The following MTUS1 variants were observed in gnomAD, a reference collection of about 807,000 sequenced individuals.
MTUS1 encodes microtubule-associated tumor suppressor 1.
A neutral mutation model predicts 120.8 loss-of-function variants in MTUS1; 109 were observed. The ratio of observed to expected loss-of-function variants is 0.90; its 90% CI spans 0.77 to 1.06. MTUS1 has a LOEUF of 1.06. Among genes scored for constraint, MTUS1 ranks in the 50% least tolerant of loss-of-function variants. MTUS1 has a pLI of 0.00. For synonymous variants in MTUS1, 737 were observed against 550.5 expected (o/e 1.34, Z -4.74); for missense variants, 2,210 against 1,486.3 (o/e 1.49, Z -8.01).
intron 12 of MTUS1, among the ~76,000 whole-genome samples, chr8:17,652,481 G>A (rs1282889405): frequency 6.6e-6 from 1 of 151,920 alleles, no homozygotes; most frequent in Non-Finnish European, 1.5e-5. Flanking sequence ...GGAGAGCCTG[G>A]TGCTGGGGAA....
Position 17,754,110 on chromosome 8 carries a change from T to G in MTUS1, c.1698A>C (p.Lys566Asn). The change falls in exon 2 of 15, where the codon AAA becomes AAC. Residue 566 changes from lysine (K) to asparagine (N), a missense_variant. Transcript: ENST00000693296. ...GTGTCTTGTTAATTAGAATTTCTGC[T>G]TTTTTGTCTGCATTCAAGTCAGATC... ...TPRSDLNADK[K>N]AEILINKTHK... 6.2e-7 allele frequency: 1 copy of G among 1,614,024 alleles called. No homozygotes were observed. The highest frequency in any genetic ancestry group is 8.5e-7 in the Non-Finnish European group (1 of 1,180,038).
At position 17,742,269 on chromosome 8, in the gene MTUS1, GTTTTTTTTTTTTGTTGTTGTTGTT is replaced by G. The variant is rs1212372797; in HGVS notation, c.2287+1311_2287+1334del. 1.2e-4 allele frequency among the ~76,000 whole-genome samples: 11 copies of G among 94,910 alleles called. 1 individual carries two copies. The highest frequency in any genetic ancestry group is 0.014 in the Middle Eastern group (2 of 144). 62.3% of individuals were successfully genotyped at this position (94,910 alleles called of 152,430 possible). On this transcript the variant is annotated intron_variant, in intron 3 of 14. Coordinates refer to ENST00000693296, the MANE Select transcript of MTUS1 (RefSeq NM_001363059.2). Reference sequence around the variant, plus strand: ...CACCATCATGCTCTCATGCCCAGCTGTTTTTTTTTTTTGTTGTTGTTGTTTTTTTTTTTTTTTTTTTTAGAGATA... The same window carrying G: ...CACCATCATGCTCTCATGCCCAGCTGTTTTTTTTTTTTTTTTTTAGAGATA...
intron 12 of MTUS1, among the ~76,000 whole-genome samples, chr8:17,650,691 G>A (rs1806792667): frequency 6.6e-6 from 1 of 152,142 alleles, no homozygotes; most frequent in South Asian, 2.1e-4. Context: ...CCTGGTGGCA[G>A]AACAAGATCC....
intron 1 of MTUS1, among the ~76,000 whole-genome samples, chr8:17,772,035 T>G (rs1285258079): frequency 1.3e-5 from 2 of 152,222 alleles, no homozygotes; most frequent in African/African-American, 2.4e-5. Flanking sequence ...ACTTTTAAGA[T>G]GACACAATGA....
At chr8:17,777,295 C>T (rs1012865923) in intron 1 of MTUS1, among the ~76,000 whole-genome samples, 1 of 151,832 alleles carries the variant, frequency 6.6e-6, no homozygotes, top group Non-Finnish European at 1.5e-5. Flanking sequence ...AAAAAATTAG[C>T]CAGACATGGT....
At chr8:17,667,793 G>A (rs1811212148) in intron 8 of MTUS1, among the ~76,000 whole-genome samples, 1 of 152,180 alleles carries the variant, frequency 6.6e-6, no homozygotes, top group South Asian at 2.1e-4. Context: ...CCCTTGGGAA[G>A]TTACTTAACC....
intron 8 of MTUS1, among the ~76,000 whole-genome samples, chr8:17,670,822 T>TAAAAAAAA (rs540891587): frequency 3.4e-5 from 5 of 148,970 alleles, no homozygotes; most frequent in African/African-American, 1.2e-4. Context: ...ACCCTGTCTT[T>TAAAAAAAA]AAAAAAAAAA....
chr8:17,785,995 C>A (rs2051273039), intron 1 of MTUS1, among the ~76,000 whole-genome samples: 1 of 152,110 alleles, frequency 6.6e-6, no homozygotes, highest in African/African-American at 2.4e-5. Context: ...TAAAAATTAG[C>A]CAGCCATGGT....
intron 2 of MTUS1, among the ~76,000 whole-genome samples, chr8:17,746,714 G>A (rs2047780048): frequency 6.6e-6 from 1 of 152,068 alleles, no homozygotes; most frequent in Admixed American, 6.6e-5. Flanking sequence ...CAAACCATAT[G>A]ACTCTACTTA....
chr8:17,752,686 A>G (rs1487156380), intron 2 of MTUS1, among the ~76,000 whole-genome samples: 3 of 152,064 alleles, frequency 2.0e-5, no homozygotes, highest in Admixed American at 2.0e-4. Context: ...TGCACTTGCT[A>G]TTCTATGTGC....
intron 8 of MTUS1, among the ~76,000 whole-genome samples, chr8:17,672,177 T>C (rs1374046035): frequency 6.6e-6 from 1 of 152,210 alleles, no homozygotes; most frequent in Non-Finnish European, 1.5e-5. Flanking sequence ...TTCCTTTCTG[T>C]AGCATAGATG....
Position 17,675,207 on chromosome 8 carries a change from C to G in MTUS1, c.2884G>C (p.Val962Leu). Residue 962 changes from valine to leucine, a missense_variant, in exon 8 of 15, where the codon GTT (valine) becomes CTT (leucine). By Grantham distance (32) the Val-to-Leu change is conservative. Coordinates refer to ENST00000693296, the MANE Select transcript of MTUS1 (RefSeq NM_001363059.2). ...KQHKTLSQEL[V>L]NLRGELVTAS... ...TTACCTAGCTCTCCCCGGAGGTTAA[C>G]AAGTTCTTGAGATAGGGTTTTGTGT... 1 of 1,614,132 alleles carries G rather than the reference C, an allele frequency of 6.2e-7. No individual in the cohort carries two copies. Among genetic ancestry groups the G allele is most frequent in the East Asian group, 2.2e-5 (1 of 44,884 alleles).
chr8:17,709,515 C>G (rs549389899), intron 6 of MTUS1, among the ~76,000 whole-genome samples: 1 of 152,084 alleles, frequency 6.6e-6, no homozygotes, highest in African/African-American at 2.4e-5. Flanking sequence ...TCCTTAACAC[C>G]TGACACTCAC....
chr8:17,712,640 A>G lies in MTUS1; in HGVS notation c.2623+574T>C, dbSNP rs1821553011. 2.0e-5 allele frequency among the ~76,000 whole-genome samples: 3 copies of G among 152,140 alleles called. No homozygotes were observed. The South Asian group carries it at 6.2e-4, about 31-fold the overall frequency. Reference sequence around the variant, plus strand: ...AGGTGTGAGCCACTGGGCCCAGCCTATCTGTCGGTCTGTCTGTCTGTCCAT... The same window carrying G: ...AGGTGTGAGCCACTGGGCCCAGCCTGTCTGTCGGTCTGTCTGTCTGTCCAT... On this transcript the variant is annotated intron_variant, in intron 6 of 14. Coordinates refer to ENST00000693296, the MANE Select transcript of MTUS1 (RefSeq NM_001363059.2).
At chr8:17,693,243 A>G (rs1817305284) in intron 6 of MTUS1, 2 of 152,220 alleles carry the variant, frequency 1.3e-5, no homozygotes, top group Non-Finnish European at 2.9e-5. Flanking sequence ...TAAAAAGACT[A>G]TTGCTGACCC....
rs191682869 is a variant in MTUS1 at position 17,788,607 on chromosome 8, G to A, written c.-155+12454C>T. On this transcript the variant is annotated intron_variant, in intron 1 of 14. Transcript: ENST00000693296. ...GCAGGCTAGGAAGGATCATGTGCCAGCTGCCTGCAGTCCTAACTCAGCCGA... is the reference window on the plus strand; with the variant it reads ...GCAGGCTAGGAAGGATCATGTGCCAACTGCCTGCAGTCCTAACTCAGCCGA... Among the ~76,000 whole-genome samples, 3 of 152,286 alleles carry A rather than the reference G, an allele frequency of 2.0e-5. No homozygotes were observed. In the East Asian group the frequency reaches 5.8e-4, roughly 29 times the overall value.
chr8:17,757,434 T>C (rs1465079441), intron 1 of MTUS1, among the ~76,000 whole-genome samples: 7 of 152,192 alleles, frequency 4.6e-5, no homozygotes, highest in Non-Finnish European at 8.8e-5. Context: ...GGCTGCACAA[T>C]GTTATATACT....
At chr8:17,673,674 C>T (rs1257338859) in intron 8 of MTUS1, among the ~76,000 whole-genome samples, 1 of 152,094 alleles carries the variant, frequency 6.6e-6, no homozygotes, top group African/African-American at 2.4e-5. Flanking sequence ...AAGCTGGTCT[C>T]AAACTGCTGG....
intron 1 of MTUS1, among the ~76,000 whole-genome samples, chr8:17,769,562 T>C (rs1409369511): frequency 1.3e-5 from 2 of 151,592 alleles, no homozygotes; most frequent in African/African-American, 2.4e-5. Flanking sequence ...TTAGCCAGGA[T>C]GGTCTCGATC....
Sources: allele counts gnomAD v4.1 joint callset (sites outside exome capture counted in the v4.1 genomes callset), GRCh38; gene constraint gnomAD v4.1.1; transcripts MANE v1.5; gene names NCBI Gene and HGNC (gene_info 2026-07-23, HGNC 2026-07-21).